Variants in SLAIN2 observed in about 807,000 individuals in gnomAD.
SLAIN2 encodes SLAIN motif-containing protein 2.
A neutral mutation model predicts 56.6 loss-of-function variants in SLAIN2; 31 were observed. The ratio of observed to expected loss-of-function variants is 0.55; its 90% CI spans 0.41 to 0.74. SLAIN2 has a LOEUF of 0.74. SLAIN2 is among the 30% of genes least tolerant of loss of function. The probability of loss-of-function intolerance (pLI) is 0.00; values close to 1 mark genes in which losing one functional copy is unlikely to be tolerated. For missense variants in SLAIN2, 777 were observed against 754.2 expected, an observed-to-expected ratio of 1.03 and a Z score of -0.35; for synonymous variants, 317 against 284.9, an observed-to-expected ratio of 1.11 and a Z score of -1.13.
Position 48,422,010 on chromosome 4 carries a change from G to A in SLAIN2, c.1680-1G>A. 1 of 1,606,576 alleles carries A rather than the reference G, an allele frequency of 6.2e-7. No individual in the cohort carries two copies. The highest frequency in any genetic ancestry group is 8.5e-7 in the Non-Finnish European group (1 of 1,176,124). Reference sequence around the variant, plus strand: ...TTAATTACAAAATTGCTTTATTACAGATCCTTGCCAGCTCCTAAAACCTAT... The same window carrying A: ...TTAATTACAAAATTGCTTTATTACAAATCCTTGCCAGCTCCTAAAACCTAT... On this transcript the variant is annotated splice_acceptor_variant, in intron 7 of 7. Coordinates refer to ENST00000264313, the MANE Select transcript of SLAIN2 (RefSeq NM_020846.2). LOFTEE classifies it high-confidence loss of function.
rs1465626268 is a variant in SLAIN2 at position 48,341,715 on chromosome 4, A to C, written c.-25A>C. Reference sequence around the variant, plus strand: ...CGCTGCGAGAGCGAGCGGGCGGCGGAGGCGGCGGCGGCGGCGGGGCCGGGA... The same window carrying C: ...CGCTGCGAGAGCGAGCGGGCGGCGGCGGCGGCGGCGGCGGCGGGGCCGGGA... On this transcript the variant is annotated 5_prime_UTR_variant, in exon 1 of 8. Coordinates refer to ENST00000264313, the MANE Select transcript of SLAIN2 (RefSeq NM_020846.2). 14 of 1,521,584 alleles carry C rather than the reference A, an allele frequency of 9.2e-6. No individual in the cohort carries two copies. The highest frequency in any genetic ancestry group is 2.9e-5 in the African/African-American group (2 of 69,992). 94.3% of individuals were successfully genotyped at this position (1,521,584 alleles called of 1,614,324 possible).
In SLAIN2 at chr4:48,341,590, G is replaced by C; in HGVS notation, c.-150G>C. 4.0e-6 allele frequency: 5 copies of C among 1,241,840 alleles called. No homozygotes were observed. Among genetic ancestry groups the C allele is most frequent in the Non-Finnish European group, 5.3e-6 (5 of 951,158 alleles). The allele number at this position is 1,241,840 out of a possible 1,614,324, so 76.9% of individuals were successfully genotyped here. On this transcript the variant is annotated 5_prime_UTR_variant, in exon 1 of 8. Coordinates refer to ENST00000264313, the MANE Select transcript of SLAIN2 (RefSeq NM_020846.2). ...GGGCCAGCGGCGCTTTGGAACCCGA[G>C]GTGGGGGGACCCTGGCGGTGGGGCC...
At chr4:48,390,130 G>A (rs1019963011) in intron 6 of SLAIN2, among the ~76,000 whole-genome samples, 5 of 148,640 alleles carry the variant, frequency 3.4e-5, no homozygotes, top group African/African-American at 5.0e-5. Context: ...CTGGAGCGGC[G>A]GTGGCGTGAT....
In SLAIN2 at chr4:48,387,785, ATATT is replaced by A. The variant is rs368119268; in HGVS notation, c.1360+4003_1360+4006del. On this transcript the variant is annotated intron_variant, in intron 6 of 7. Transcript: ENST00000264313. ...ACCAATTTATCTTGAAATTTCATAT[ATATT>A]TGATACATGAAAATATATATGTAAG... 1.7e-3 allele frequency among the ~76,000 whole-genome samples: 259 copies of A among 152,162 alleles called. 1 individual carries two copies. Among genetic ancestry groups the A allele is most frequent in the African/African-American group, 6.0e-3 (249 of 41,552 alleles).
At chr4:48,343,966 CATA>C in intron 1 of SLAIN2, among the ~76,000 whole-genome samples, 1 of 152,140 alleles carries the variant, frequency 6.6e-6, no homozygotes, top group Non-Finnish European at 1.5e-5. Flanking sequence ...AAATGATGCT[CATA>C]ATAATGAGGA....
intron 6 of SLAIN2, among the ~76,000 whole-genome samples, chr4:48,392,553 C>T (rs1396271623): frequency 6.6e-6 from 1 of 152,034 alleles, no homozygotes; most frequent in African/African-American, 2.4e-5. Flanking sequence ...AACAACTGGC[C>T]TACGTTCTGT....
At chr4:48,361,058 T>G (rs1339874449) in intron 1 of SLAIN2, among the ~76,000 whole-genome samples, 1 of 152,228 alleles carries the variant, frequency 6.6e-6, no homozygotes, top group Non-Finnish European at 1.5e-5. Context: ...AGAATTTCCT[T>G]TTTGACAGGG....
At chr4:48,410,454 A>G (rs1716814683) in intron 6 of SLAIN2, among the ~76,000 whole-genome samples, 1 of 152,062 alleles carries the variant, frequency 6.6e-6, no homozygotes. Context: ...ATCATTTATC[A>G]ATTTTTGATC....
rs995719093 is a variant in SLAIN2 at position 48,423,139 on chromosome 4, T to C, written c.*1062T>C. ...TATTACATGGCATAACGGTCTATTA[T>C]GTGGTAGGAAAATATAGCCTGCTAA... On this transcript the variant is annotated 3_prime_UTR_variant, in exon 8 of 8. Coordinates refer to ENST00000264313, the MANE Select transcript of SLAIN2 (RefSeq NM_020846.2). The C allele has an allele frequency of 2.0e-5, 3 of 152,198 alleles. No individual in the cohort carries two copies. Among genetic ancestry groups the C allele is most frequent in the Non-Finnish European group, 4.4e-5 (3 of 68,024 alleles). 9.4% of individuals were successfully genotyped at this position (152,198 alleles called of 1,614,324 possible).
chr4:48,379,620 A>G, intron 3 of SLAIN2, 70 bp from the exon 4 acceptor site: 14 of 1,170,532 alleles, frequency 1.2e-5, no homozygotes, highest in Non-Finnish European at 1.6e-5. Flanking sequence ...ATATCAAGTT[A>G]GTTGCAGTAG....
At position 48,363,204 on chromosome 4, in the gene SLAIN2, CCCCACCTTT is replaced by C. The variant is rs1301061015; in HGVS notation, c.390-6641_390-6633del. 7.3e-5 allele frequency among the ~76,000 whole-genome samples: 3 copies of C among 41,088 alleles called. No individual in the cohort carries two copies. In the East Asian group the frequency reaches 1.6e-3, roughly 22 times the overall value. The allele number at this position is 41,088 out of a possible 152,430, so 27.0% of individuals were successfully genotyped here. A position where few individuals can be genotyped will look rare whatever the true frequency, so the allele number is the denominator to read the frequency against. On this transcript the variant is annotated intron_variant, in intron 1 of 7. Coordinates refer to ENST00000264313, the MANE Select transcript of SLAIN2 (RefSeq NM_020846.2). ...CAACCATCCGATTTCTCAATCTTTT[CCCCACCTTT>C]CCCGCCTTTCTATTCCACAAAGCCG...
Position 48,423,361 on chromosome 4 carries a change from A to G in SLAIN2, c.*1284A>G, listed in dbSNP as rs930348598. The G allele has an allele frequency of 1.3e-5, 2 of 151,976 alleles. No homozygotes were observed. Among genetic ancestry groups the G allele is most frequent in the African/African-American group, 4.8e-5 (2 of 41,386 alleles). The allele number at this position is 151,976 out of a possible 1,614,324, so 9.4% of individuals were successfully genotyped here. ...TATATCCTTGAAATCGGCTATTTCA[A>G]TTTTATCAGACTTTTACCAGAGTAA... On this transcript the variant is annotated 3_prime_UTR_variant, in exon 8 of 8. Coordinates refer to ENST00000264313, the MANE Select transcript of SLAIN2 (RefSeq NM_020846.2).
rs1715541741 is a variant in SLAIN2, at chr4:48,367,113, TAAAC to T, written c.390-2733_390-2730del. ...GGATTTCCTTTTAAATTGAGAGACT[TAAAC>T]AACTCTGTCCTGCTAAAGGTGAATT... On this transcript the variant is annotated intron_variant, in intron 1 of 7. Coordinates refer to ENST00000264313, the MANE Select transcript of SLAIN2 (RefSeq NM_020846.2). Among the ~76,000 whole-genome samples, 4 of 152,306 alleles carry T rather than the reference TAAAC, an allele frequency of 2.6e-5. No homozygotes were observed. The East Asian group carries it at 7.7e-4, about 29-fold the overall frequency.
intron 4 of SLAIN2, among the ~76,000 whole-genome samples, chr4:48,381,052 T>A (rs1409432148): frequency 4.6e-5 from 7 of 152,100 alleles, no homozygotes; most frequent in Admixed American, 2.0e-4. Flanking sequence ...GAGACTGTGG[T>A]ATTGTCAGCT....
intron 1 of SLAIN2, among the ~76,000 whole-genome samples, chr4:48,357,218 A>C (rs1715181489): frequency 6.6e-6 from 1 of 152,060 alleles, no homozygotes; most frequent in African/African-American, 2.4e-5. Flanking sequence ...AAGTTCAAAA[A>C]GACGCCGTAT....
At chr4:48,400,256 A>G (rs1716511978) in intron 6 of SLAIN2, among the ~76,000 whole-genome samples, 1 of 151,752 alleles carries the variant, frequency 6.6e-6, no homozygotes, top group Admixed American at 6.6e-5. Flanking sequence ...CCAGGAATTT[A>G]TCTATTTCTT....
chr4:48,341,586 C>T lies in SLAIN2; in HGVS notation c.-154C>T, dbSNP rs1714698971. On this transcript the variant is annotated 5_prime_UTR_variant, in exon 1 of 8. Transcript: ENST00000264313. ...GCTGGGGCCAGCGGCGCTTTGGAAC[C>T]CGAGGTGGGGGGACCCTGGCGGTGG... The T allele has an allele frequency of 1.6e-6, 2 of 1,218,652 alleles. No individual in the cohort carries two copies. The highest frequency in any genetic ancestry group is 1.6e-5 in the African/African-American group (1 of 62,480). The allele number at this position is 1,218,652 out of a possible 1,614,324, so 75.5% of individuals were successfully genotyped here.
At chr4:48,390,324 C>G (rs375236539) in intron 6 of SLAIN2, among the ~76,000 whole-genome samples, 3 of 152,080 alleles carry the variant, frequency 2.0e-5, no homozygotes, top group East Asian at 3.9e-4. Context: ...AGTGATCCTC[C>G]CGCCTCGGCC....
intron 3 of SLAIN2, among the ~76,000 whole-genome samples, chr4:48,378,957 G>A (rs147916788): frequency 6.6e-6 from 1 of 152,184 alleles, no homozygotes; most frequent in East Asian, 1.9e-4. Context: ...GACTGTTATG[G>A]TGAAGAATTC....
Sources: gnomAD v4.1 joint callset for allele counts (sites outside exome capture counted in the v4.1 genomes callset) on GRCh38, gnomAD v4.1.1 for gene constraint, MANE v1.5 for transcripts, NCBI Gene and HGNC (gene_info 2026-07-23, HGNC 2026-07-21) for gene names.